CTNND2: variants seen among roughly 807,000 people sequenced by gnomAD.
The protein encoded by CTNND2 is catenin delta-2.
A neutral mutation model predicts 144.4 loss-of-function variants in CTNND2; 22 were observed. The ratio of observed to expected loss-of-function variants is 0.15; its 90% CI spans 0.11 to 0.22. CTNND2 has a LOEUF of 0.22. Ranked by LOEUF, CTNND2 falls within the 10% of genes least tolerant of loss-of-function variation. The pLI, the probability that CTNND2 is intolerant of heterozygous loss-of-function variation, is 1.00. For missense variants in CTNND2, 1,353 were observed against 1,618.8 expected, an observed-to-expected ratio of 0.84 and a Z score of 2.82; for synonymous variants, 751 against 695.6, an observed-to-expected ratio of 1.08 and a Z score of -1.25.
At chr5:11,350,175 A>G (rs770149982) in intron 8 of CTNND2, among the ~76,000 whole-genome samples, 187 of 152,318 alleles carry the variant, frequency 1.2e-3, no homozygotes, top group Non-Finnish European at 2.0e-3. Context: ...TACTAAAGAT[A>G]CAGAGAAGAG....
intron 2 of CTNND2, among the ~76,000 whole-genome samples, chr5:11,652,531 C>T (rs979148015): frequency 2.0e-5 from 3 of 152,132 alleles, no homozygotes; most frequent in Admixed American, 1.3e-4. Flanking sequence ...GTGAATGGCA[C>T]CTTTTCTCAC....
At chr5:11,654,738 T>C (rs2126547574) in intron 2 of CTNND2, among the ~76,000 whole-genome samples, 1 of 152,178 alleles carries the variant, frequency 6.6e-6, no homozygotes, top group African/African-American at 2.4e-5. Context: ...TTTGTTTCCT[T>C]CTCTTGACTA....
intron 15 of CTNND2, among the ~76,000 whole-genome samples, chr5:11,088,081 TTTTG>T (rs1750366430): frequency 1.3e-5 from 2 of 152,322 alleles, no homozygotes; most frequent in South Asian, 2.1e-4. Context: ...TGAAAAGGTT[TTTTG>T]TTTGTTTTTA....
intron 3 of CTNND2, among the ~76,000 whole-genome samples, chr5:11,456,580 G>A (rs567615230): frequency 6.6e-6 from 1 of 151,966 alleles, no homozygotes; most frequent in Non-Finnish European, 1.5e-5. Flanking sequence ...CCTCAAACAT[G>A]TTCTGTTATT....
chr5:11,901,639 C>T (rs1359149138), intron 1 of CTNND2, among the ~76,000 whole-genome samples: 1 of 152,174 alleles, frequency 6.6e-6, no homozygotes, highest in Non-Finnish European at 1.5e-5. Flanking sequence ...TTAAATAACT[C>T]CTTTCCGCAA....
At position 11,364,902 on chromosome 5, in the gene CTNND2, C is replaced by A; in HGVS notation, c.1178-12G>T. ...GGCTCGGGAACCAGCTGAAATAAAT[C>A]AACAGAGGGACATCAAAGCTCAGGC... On this transcript the variant is annotated splice_polypyrimidine_tract_variant and intron_variant, in intron 7 of 21. Transcript: ENST00000304623. The A allele has an allele frequency of 6.2e-7, 1 of 1,605,346 alleles. No individual in the cohort carries two copies. Among genetic ancestry groups the A allele is most frequent in the Non-Finnish European group, 8.5e-7 (1 of 1,176,730 alleles).
At chr5:11,142,676 C>G (rs1297241392) in intron 12 of CTNND2, among the ~76,000 whole-genome samples, 1 of 148,890 alleles carries the variant, frequency 6.7e-6, no homozygotes, top group African/African-American at 2.5e-5. Flanking sequence ...TGCAGTGGCG[C>G]GATCTCGACT....
At position 11,082,595 on chromosome 5, in the gene CTNND2, C is replaced by CTG. The variant is rs1749691574; in HGVS notation, c.2788+99_2788+100dup. ...GAGGCTGCTAATAAATGCACGGCTT[C>CTG]TGTGTAAGCATAGGCTATGCATACG... On this transcript the variant is annotated intron_variant, in intron 16 of 21. Transcript: ENST00000304623. 2.2e-6 allele frequency: 3 copies of CTG among 1,337,516 alleles called. No individual in the cohort carries two copies. In the Admixed American group the frequency reaches 6.6e-5, roughly 29 times the overall value. 82.9% of individuals were successfully genotyped at this position (1,337,516 alleles called of 1,614,324 possible).
chr5:11,441,865 T>C (rs905855607), intron 3 of CTNND2, among the ~76,000 whole-genome samples: 2 of 152,192 alleles, frequency 1.3e-5, no homozygotes, highest in Admixed American at 6.5e-5. Flanking sequence ...TGTGCTTCCA[T>C]TAGCATAAAC....
chr5:11,303,653 A>G (rs779843289), intron 9 of CTNND2, among the ~76,000 whole-genome samples: 1 of 152,094 alleles, frequency 6.6e-6, no homozygotes, highest in Non-Finnish European at 1.5e-5. Context: ...CAAGACATAG[A>G]TTTCTCCTGG....
chr5:11,128,757 TAAATATATATATTATATATAA>T (rs1754965428), intron 12 of CTNND2, among the ~76,000 whole-genome samples: 1 of 36,982 alleles, frequency 2.7e-5, no homozygotes, highest in Non-Finnish European at 4.3e-5. Flanking sequence ...ATATTATATA[TAAATATATATATTATATATAA>T]AATATATAAA....
intron 5 of CTNND2, among the ~76,000 whole-genome samples, chr5:11,410,945 C>T (rs752991196): frequency 3.0e-4 from 46 of 151,546 alleles, no homozygotes; most frequent in Admixed American, 1.5e-3. Flanking sequence ...AATCTCGGCT[C>T]ACTGCAACCT....
intron 9 of CTNND2, among the ~76,000 whole-genome samples, chr5:11,337,013 A>G (rs1158600804): frequency 1.3e-5 from 2 of 152,170 alleles, no homozygotes; most frequent in Non-Finnish European, 2.9e-5. Flanking sequence ...ACAACGTGGG[A>G]ACCAACTTTG....
chr5:11,470,171 C>T (rs899641485), intron 3 of CTNND2, among the ~76,000 whole-genome samples: 1 of 152,112 alleles, frequency 6.6e-6, no homozygotes, highest in African/African-American at 2.4e-5. Context: ...CACGGTGGCT[C>T]ACACCTGTAA....
At chr5:11,463,852 T>C (rs1159249985) in intron 3 of CTNND2, among the ~76,000 whole-genome samples, 2 of 135,724 alleles carry the variant, frequency 1.5e-5, no homozygotes, top group Admixed American at 7.1e-5. Flanking sequence ...AAGCGTCCCT[T>C]ACAAAAAAAA....
intron 2 of CTNND2, among the ~76,000 whole-genome samples, chr5:11,641,696 A>C (rs182418839): frequency 2.4e-5 from 3 of 126,486 alleles, no homozygotes; most frequent in East Asian, 5.1e-4. Flanking sequence ...ACGTGTGTGT[A>C]TATACATATA....
intron 16 of CTNND2, among the ~76,000 whole-genome samples, chr5:11,067,539 G>T (rs1747747648): frequency 1.3e-5 from 2 of 152,190 alleles, no homozygotes; most frequent in Admixed American, 1.3e-4. Context: ...CAAGACTGGA[G>T]CTGGGAAAAG....
rs1337346319 is a variant in CTNND2 at position 11,224,558 on chromosome 5, C to T, written c.1761+12133G>A. On this transcript the variant is annotated intron_variant, in intron 10 of 21. Coordinates refer to ENST00000304623, the MANE Select transcript of CTNND2 (RefSeq NM_001332.4). ...GAATTATAGCTCTGTTTGTTAAAGTCACTGCCTTCCTTCTTTTTCTTTGTG... is the reference window on the plus strand; with the variant it reads ...GAATTATAGCTCTGTTTGTTAAAGTTACTGCCTTCCTTCTTTTTCTTTGTG... Among the ~76,000 whole-genome samples, 3 of 152,122 alleles carry T rather than the reference C, an allele frequency of 2.0e-5. No homozygotes were observed. In the East Asian group the frequency reaches 5.8e-4, roughly 29 times the overall value.
chr5:11,671,955 G>A (rs1783894522), intron 2 of CTNND2, among the ~76,000 whole-genome samples: 1 of 152,108 alleles, frequency 6.6e-6, no homozygotes, highest in South Asian at 2.1e-4. Context: ...ACCTATGGAG[G>A]GGGTCTCTGA....
Sources: gnomAD v4.1 joint callset for allele counts (sites outside exome capture counted in the v4.1 genomes callset) on GRCh38, gnomAD v4.1.1 for gene constraint, MANE v1.5 for transcripts, NCBI Gene and HGNC (gene_info 2026-07-23, HGNC 2026-07-21) for gene names.